UFL1: variants seen among roughly 807,000 people sequenced by gnomAD.
UFL1 encodes E3 UFM1-protein ligase 1.
In UFL1, 78 loss-of-function variants were observed where a neutral mutation model predicts 99.3. The observed-to-expected ratio is 0.79, with a 90% CI of 0.65 to 0.95. The LOEUF is 0.95. UFL1 is among the 40% of genes least tolerant of loss of function. The pLI is 0.00. For missense variants in UFL1, 936 were observed against 937.0 expected, an observed-to-expected ratio of 1.00 and a Z score of 0.01; for synonymous variants, 335 against 322.2, an observed-to-expected ratio of 1.04 and a Z score of -0.42.
intron 12 of UFL1, among the ~76,000 whole-genome samples, chr6:96,546,773 C>A (rs1770006757): frequency 1.3e-5 from 2 of 151,446 alleles, no homozygotes; most frequent in Admixed American, 1.3e-4. Context: ...GGAAAGGACA[C>A]CCTATTCAAT....
chr6:96,544,081 T>C (rs983896818), intron 12 of UFL1, among the ~76,000 whole-genome samples: 4 of 151,230 alleles, frequency 2.6e-5, no homozygotes, highest in African/African-American at 9.6e-5. Context: ...ATCATTTTTA[T>C]GGTCTTCCAC....
At chr6:96,551,570 TTTG>T (rs1770080703) in intron 16 of UFL1, 57 bp downstream of exon 16, 1 of 1,192,734 alleles carries the variant, frequency 8.4e-7, no homozygotes, top group African/African-American at 1.6e-5. Flanking sequence ...TACAAAGATC[TTTG>T]AGTAGATTTT....
chr6:96,531,863 C>A (rs1010956929), intron 6 of UFL1, among the ~76,000 whole-genome samples: 4 of 152,012 alleles, frequency 2.6e-5, no homozygotes, highest in Admixed American at 1.3e-4. Context: ...AGTTTTGAGC[C>A]TCAAAAGATG....
At chr6:96,545,230 T>G (rs1769983512) in intron 12 of UFL1, among the ~76,000 whole-genome samples, 1 of 151,090 alleles carries the variant, frequency 6.6e-6, no homozygotes, top group Non-Finnish European at 1.5e-5. Flanking sequence ...TTGTAAAGTT[T>G]TTGCTTATAG....
At position 96,523,225 on chromosome 6, in the gene UFL1, G is replaced by A; in HGVS notation, c.157G>A (p.Gly53Arg). ...KQLEVVHTLDGKEYITPAQIS... is the reference protein window; with the variant it reads ...KQLEVVHTLDRKEYITPAQIS... ...GCTAGAAGTAGTTCATACACTCGATGGAAAGGAATATATTACTCCAGCCCA... is the reference window on the plus strand; with the variant it reads ...GCTAGAAGTAGTTCATACACTCGATAGAAAGGAATATATTACTCCAGCCCA... Residue 53 changes from glycine to arginine, a missense_variant, in exon 2 of 19, where the codon GGA becomes AGA. Coordinates refer to ENST00000369278, the MANE Select transcript of UFL1 (RefSeq NM_015323.5). 1 of 1,613,048 alleles carries A rather than the reference G, an allele frequency of 6.2e-7. No homozygotes were observed. The highest frequency in any genetic ancestry group is 8.5e-7 in the Non-Finnish European group (1 of 1,179,574).
rs766100159 is a variant in UFL1 at position 96,551,942 on chromosome 6, A to G, written c.1985+19A>G. 89 of 1,532,192 alleles carry G rather than the reference A, an allele frequency of 5.8e-5. No individual in the cohort carries two copies. The highest frequency in any genetic ancestry group is 7.8e-5 in the Non-Finnish European group (87 of 1,115,216). 94.9% of individuals were successfully genotyped at this position (1,532,192 alleles called of 1,614,324 possible). A position where few individuals can be genotyped will look rare whatever the true frequency, so the allele number is the denominator to read the frequency against. ...GGGAAAGGTAACATTAAATTAATCT[A>G]TATTTGGAAATGTTCTTAAATGTGG... On this transcript the variant is annotated intron_variant, in intron 17 of 18. Coordinates refer to ENST00000369278, the MANE Select transcript of UFL1 (RefSeq NM_015323.5).
intron 14 of UFL1, 22 bp downstream of exon 14, chr6:96,549,600 C>T: frequency 6.3e-7 from 1 of 1,591,398 alleles, no homozygotes; most frequent in Non-Finnish European, 8.5e-7. Flanking sequence ...CTTTGTTAAT[C>T]TTGTTTTTTC....
At chr6:96,546,576 G>A (rs1202223572) in intron 12 of UFL1, among the ~76,000 whole-genome samples, 3 of 151,450 alleles carry the variant, frequency 2.0e-5, no homozygotes, top group African/African-American at 4.8e-5. Context: ...TAAGCAAAAA[G>A]AACAAATATG....
intron 11 of UFL1, among the ~76,000 whole-genome samples, chr6:96,540,923 C>T (rs1263860944): frequency 6.6e-6 from 1 of 151,356 alleles, no homozygotes; most frequent in African/African-American, 2.4e-5. Context: ...TGTCTATGTT[C>T]CAGCCCAGTA....
intron 12 of UFL1, 148 bp from the exon 13 acceptor site, chr6:96,548,016 G>A: frequency 6.9e-6 from 4 of 581,920 alleles, no homozygotes; most frequent in African/African-American, 2.0e-5. Context: ...TTTCAAAATT[G>A]TTTTTACTAG....
Position 96,553,345 on chromosome 6 carries a change from A to G in UFL1, c.2227A>G (p.Ser743Gly), listed in dbSNP as rs758304681. The change falls in exon 19 of 19, where the codon AGT (serine) becomes GGT (glycine). Residue 743 changes from serine to glycine, a missense_variant. Transcript: ENST00000369278. ...GGTTGTAAAGCAGCTAGTCAGTCAA[A>G]GTAAGAAGACTGGGCAGGGAGATTA... ...GLVVKQLVSQ[S>G]KKTGQGDYPL... 17 of 1,613,838 alleles carry G rather than the reference A, an allele frequency of 1.1e-5. No individual in the cohort carries two copies. Among genetic ancestry groups the G allele is most frequent in the Non-Finnish European group, 1.4e-5 (17 of 1,179,824 alleles).
intron 6 of UFL1, among the ~76,000 whole-genome samples, chr6:96,530,390 C>G (rs1227979780): frequency 6.6e-6 from 1 of 152,144 alleles, no homozygotes; most frequent in African/African-American, 2.4e-5. Flanking sequence ...TGAATCATAT[C>G]AGGTGGCATA....
rs772909940 is a variant in UFL1, at chr6:96,553,518, A to G, written c.*15A>G. 1.9e-6 allele frequency: 3 copies of G among 1,608,560 alleles called. No homozygotes were observed. Among genetic ancestry groups the G allele is most frequent in the Non-Finnish European group, 2.5e-6 (3 of 1,177,146 alleles). On this transcript the variant is annotated 3_prime_UTR_variant, in exon 19 of 19. Coordinates refer to ENST00000369278, the MANE Select transcript of UFL1 (RefSeq NM_015323.5). ...CGGAAGAGTAATGATCTTAATTTAC[A>G]TTTGTCATATAGTAAGCATTTTCCC...
chr6:96,538,353 G>A (rs1475231187), intron 9 of UFL1, among the ~76,000 whole-genome samples: 2 of 151,696 alleles, frequency 1.3e-5, no homozygotes, highest in Non-Finnish European at 3.0e-5. Context: ...TGAGAAAAAC[G>A]AACTATGTGT....
Position 96,536,266 on chromosome 6 carries a change from T to C in UFL1, c.678T>C (p.Asn226=). The part of the protein sequence containing the change: ...LLYSVLEELV[N]SGRLRGTVVG... ...AAGCTGTGCTTGAGGAACTTGTTAATAGCGGACGCTTACGAGGCACTGTGG... is the reference window on the plus strand; with the variant it reads ...AAGCTGTGCTTGAGGAACTTGTTAACAGCGGACGCTTACGAGGCACTGTGG... Residue 226 remains asparagine (N), a synonymous_variant, in exon 8 of 19, where the codon AAT becomes AAC. Transcript: ENST00000369278. 2 of 1,609,826 alleles carry C rather than the reference T, an allele frequency of 1.2e-6. No individual in the cohort carries two copies. The highest frequency in any genetic ancestry group is 1.1e-5 in the South Asian group (1 of 90,700).
At chr6:96,523,505 ATT>A (rs1367375060) in intron 2 of UFL1, among the ~76,000 whole-genome samples, 1 of 152,176 alleles carries the variant, frequency 6.6e-6, no homozygotes, top group Non-Finnish European at 1.5e-5. Flanking sequence ...CACTTAAAAT[ATT>A]TTATCATTTT....
At position 96,523,211 on chromosome 6, in the gene UFL1, T is replaced by C. The variant is rs1769648990; in HGVS notation, c.143T>C (p.Val48Ala). 2 of 1,613,468 alleles carry C rather than the reference T, an allele frequency of 1.2e-6. No individual in the cohort carries two copies. The highest frequency in any genetic ancestry group is 1.3e-5 in the African/African-American group (1 of 74,878). Residue 48 changes from valine to alanine, a missense_variant, in exon 2 of 19, where the codon GTT becomes GCT. Val to Ala is a moderately conservative substitution (Grantham distance 64). Coordinates refer to ENST00000369278, the MANE Select transcript of UFL1 (RefSeq NM_015323.5). ...ATTGCTCAGAAACAGCTAGAAGTAG[T>C]TCATACACTCGATGGAAAGGAATAT... ...KLIAQKQLEV[V>A]HTLDGKEYIT...
In UFL1 at chr6:96,554,396, G is replaced by A. The variant is rs1011879277; in HGVS notation, c.*893G>A. 2.0e-5 allele frequency: 3 copies of A among 152,094 alleles called. No individual in the cohort carries two copies. The highest frequency in any genetic ancestry group is 7.2e-5 in the African/African-American group (3 of 41,438). The allele number at this position is 152,094 out of a possible 1,614,324, so 9.4% of individuals were successfully genotyped here. A position where few individuals can be genotyped will look rare whatever the true frequency, so the allele number is the denominator to read the frequency against. ...GCCTTTTCCAGTGGTAGGAGCATCT[G>A]TAAGTGCATTTAAATCATTAGAAGC... On this transcript the variant is annotated 3_prime_UTR_variant, in exon 19 of 19. Transcript: ENST00000369278.
chr6:96,541,297 C>T (rs9400088), intron 11 of UFL1, among the ~76,000 whole-genome samples: 2 of 151,366 alleles, frequency 1.3e-5, no homozygotes, highest in African/African-American at 4.8e-5. Context: ...TATAAACATA[C>T]TAATTAAATG....
Sources: allele counts gnomAD v4.1 joint callset (sites outside exome capture counted in the v4.1 genomes callset), GRCh38; gene constraint gnomAD v4.1.1; transcripts MANE v1.5; gene names NCBI Gene and HGNC (gene_info 2026-07-23, HGNC 2026-07-21).